DHFR2: variants seen among roughly 807,000 people sequenced by gnomAD.
DHFR2 encodes the protein dihydrofolate reductase 2.
A neutral mutation model predicts 12.0 loss-of-function variants in DHFR2; 11 were observed. That is an observed-to-expected ratio of 0.92 (90% CI 0.58 to 1.52). DHFR2 has a LOEUF of 1.52. DHFR2 is among the 40% of genes most tolerant of loss of function. The pLI is 0.00. For synonymous variants in DHFR2, 87 were observed against 79.6 expected (o/e 1.09, Z -0.49); for missense variants, 188 against 221.2 (o/e 0.85, Z 0.95).
rs1335811427 is a variant in DHFR2 at position 94,061,101 on chromosome 3, T to G, written c.411A>C (p.Thr137=). The part of the protein sequence containing the change: ...NHLGHLKLFV[T]RIMQDFESDT... ...CACTTTCAAAGTCCTGCATGATCCT[T>G]GTCACAAATAGTTTAAGATGGCCTA... Residue 137 remains threonine, a synonymous_variant, in exon 2 of 2, where the codon ACA becomes ACC. Transcript: ENST00000314636. The G allele has an allele frequency of 6.2e-7, 1 of 1,613,964 alleles. No homozygotes were observed. Among genetic ancestry groups the G allele is most frequent in the East Asian group, 2.2e-5 (1 of 44,876 alleles).
chr3:94,061,566 A>G lies in DHFR2; in HGVS notation c.-55T>C. On this transcript the variant is annotated 5_prime_UTR_variant, in exon 2 of 2. Transcript: ENST00000314636. The stretch of plus-strand genomic sequence containing the variant: ...CTGGCTACGCCAGGAAGCCAGGCCA[A>G]GAATGCCGCGAAATTCCCTTCTTCA... 6.2e-7 allele frequency: 1 copy of G among 1,604,640 alleles called. No individual in the cohort carries two copies. The highest frequency in any genetic ancestry group is 1.1e-5 in the South Asian group (1 of 90,248).
Position 94,061,636 on chromosome 3 carries a change from A to C in DHFR2, c.-95-30T>G, listed in dbSNP as rs2077175929. The C allele has an allele frequency of 1.8e-5, 25 of 1,422,516 alleles. No individual in the cohort carries two copies. In the South Asian group the frequency reaches 3.9e-4, roughly 22 times the overall value. The allele number at this position is 1,422,516 out of a possible 1,614,324, so 88.1% of individuals were successfully genotyped here. The stretch of plus-strand genomic sequence containing the variant: ...ATTGCAAATACAATACCACTGTATT[A>C]ATTAATTGCAACATTCTGGAATGAA... On this transcript the variant is annotated intron_variant, in intron 1 of 1. Transcript: ENST00000314636.
At position 94,060,869 on chromosome 3, in the gene DHFR2, A is replaced by G; in HGVS notation, c.*79T>C. On this transcript the variant is annotated 3_prime_UTR_variant, in exon 2 of 2. Transcript: ENST00000314636. ...ATTATCCATAGATCTGAAGTCAACA[A>G]AAGTCCCTTTTCTAATGTAAAAATG... is the stretch of plus-strand genomic sequence containing the variant. 1 of 1,488,058 alleles carries G rather than the reference A, an allele frequency of 6.7e-7. No individual in the cohort carries two copies. The highest frequency in any genetic ancestry group is 9.1e-7 in the Non-Finnish European group (1 of 1,097,880). 92.2% of individuals were successfully genotyped at this position (1,488,058 alleles called of 1,614,324 possible). A position where few individuals can be genotyped will look rare whatever the true frequency, so the allele number is the denominator to read the frequency against.
In DHFR2 at chr3:94,058,754, G is replaced by A. The variant is rs1343192730; in HGVS notation, c.*2194C>T. ...TTTGTTTTTTTTTTTTTTTACTTTT[G>A]CTTTATCTTCAATGCACTTCTTTCC... is the stretch of plus-strand genomic sequence containing the variant. On this transcript the variant is annotated 3_prime_UTR_variant, in exon 2 of 2. Transcript: ENST00000314636. The A allele has an allele frequency of 9.7e-6, 1 of 103,514 alleles. No individual in the cohort carries two copies. Among genetic ancestry groups the A allele is most frequent in the Non-Finnish European group, 2.0e-5 (1 of 50,312 alleles). The allele number at this position is 103,514 out of a possible 1,614,324, so 6.4% of individuals were successfully genotyped here.
chr3:94,059,946 C>T lies in DHFR2; in HGVS notation c.*1002G>A, dbSNP rs1364031944. 6.6e-6 allele frequency: 1 copy of T among 152,086 alleles called. No individual in the cohort carries two copies. Among genetic ancestry groups the T allele is most frequent in the African/African-American group, 2.4e-5 (1 of 41,370 alleles). 9.4% of individuals were successfully genotyped at this position (152,086 alleles called of 1,614,324 possible). On this transcript the variant is annotated 3_prime_UTR_variant, in exon 2 of 2. Coordinates refer to ENST00000314636, the MANE Select transcript of DHFR2 (RefSeq NM_176815.5). ...TGGCACGCGCCTGTAGTCCCAGCCA[C>T]CCAGGAGCCTGAGGCAGGAGAATTG...
rs371038397 is a variant in DHFR2 at position 94,061,079 on chromosome 3, T to TGAA, written c.432_433insTTC (p.Glu144_Ser145insPhe). 9 of 1,613,864 alleles carry TGAA rather than the reference T, an allele frequency of 5.6e-6. No homozygotes were observed. The African/African-American group carries it at 1.2e-4, about 22-fold the overall frequency. On this transcript the variant is annotated inframe_insertion, in exon 2 of 2. Coordinates refer to ENST00000314636, the MANE Select transcript of DHFR2 (RefSeq NM_176815.5). ...TCAATTTCTGAAAAAAACGTGTCAC[T>TGAA]TTCAAAGTCCTGCATGATCCTTGTC...
chr3:94,060,967 A>G lies in DHFR2; in HGVS notation c.545T>C (p.Val182Ala). The G allele has an allele frequency of 6.2e-7, 1 of 1,613,616 alleles. No homozygotes were observed. Among genetic ancestry groups the G allele is most frequent in the Non-Finnish European group, 8.5e-7 (1 of 1,179,656 alleles). The part of the protein sequence containing the change: ...EGKHIKYKFE[V>A]CEKDD ...TTCATATTAATCATCCTTCTCACATACTTCAAATTTGTACTTGATGTGTTT... is the reference window on the plus strand; with the variant it reads ...TTCATATTAATCATCCTTCTCACATGCTTCAAATTTGTACTTGATGTGTTT... The change falls in exon 2 of 2, where the codon GTA (valine) becomes GCA (alanine). Residue 182 changes from valine to alanine, a missense_variant. Transcript: ENST00000314636.
intron 1 of DHFR2, 53 bp from the exon 2 acceptor site, chr3:94,061,659 G>A (rs1217194599): frequency 8.6e-7 from 1 of 1,163,052 alleles, no homozygotes; most frequent in African/African-American, 1.6e-5. Context: ...ATTCTGGAAT[G>A]AACATAGAAA....
intron 1 of DHFR2, 41 bp from the exon 2 acceptor site, chr3:94,061,647 A>G (rs1249564935): frequency 7.5e-7 from 1 of 1,326,616 alleles, no homozygotes; most frequent in African/African-American, 1.5e-5. Context: ...ATTAATTGCA[A>G]CATTCTGGAA....
upstream of DHFR2, chr3:94,063,081 A>G (rs967753612): frequency 2.5e-6 from 4 of 1,613,212 alleles, no homozygotes. Context: ...AGGCTTTTTG[A>G]TACTGATTCG....
At chr3:94,061,917 A>G (rs182881071) in intron 1 of DHFR2, among the ~76,000 whole-genome samples, 37 of 152,202 alleles carry the variant, frequency 2.4e-4, no homozygotes, top group African/African-American at 8.4e-4. Flanking sequence ...AAATAAATAT[A>G]TTAAGCTTCA....
chr3:94,061,659 G>T, intron 1 of DHFR2, 53 bp from the exon 2 acceptor site: 1 of 1,163,146 alleles, frequency 8.6e-7, no homozygotes, highest in Non-Finnish European at 1.1e-6. Flanking sequence ...ATTCTGGAAT[G>T]AACATAGAAA....
At position 94,059,836 on chromosome 3, in the gene DHFR2, G is replaced by A. The variant is rs2077162737; in HGVS notation, c.*1112C>T. On this transcript the variant is annotated 3_prime_UTR_variant, in exon 2 of 2. Transcript: ENST00000314636. ...CCAGCACCCCTGAAGGCCGAGGCAG[G>A]AGGATCACCTGAGGTCAGGAGTTCG... 6.6e-6 allele frequency: 1 copy of A among 152,248 alleles called. No individual in the cohort carries two copies. 9.4% of individuals were successfully genotyped at this position (152,248 alleles called of 1,614,324 possible).
chr3:94,061,411 T>C lies in DHFR2; in HGVS notation c.101A>G (p.Tyr34Cys), dbSNP rs1374280063. The change falls in exon 2 of 2, where the codon TAT becomes TGT. Residue 34 changes from tyrosine (Y) to cysteine (C), a missense_variant. Physicochemically the swap from Tyr to Cys is radical, Grantham distance 194. Coordinates refer to ENST00000314636, the MANE Select transcript of DHFR2 (RefSeq NM_176815.5). ...PRPPLRNEFR[Y>C]FQRMTTTSSV... ...AGAAGTTGTGGTCATTCTCTGGAAA[T>C]ACCTGAATTCATTCCTGAGCGGCGG... 8.7e-6 allele frequency: 14 copies of C among 1,614,084 alleles called. No individual in the cohort carries two copies. The highest frequency in any genetic ancestry group is 1.3e-5 in the African/African-American group (1 of 74,922).
Position 94,061,057 on chromosome 3 carries a change from A to G in DHFR2, c.455T>C (p.Ile152Thr). Residue 152 changes from isoleucine to threonine, a missense_variant, in exon 2 of 2, where the codon ATT becomes ACT. Physicochemically the swap from Ile to Thr is moderately conservative, Grantham distance 89 (BLOSUM62 -1). Coordinates refer to ENST00000314636, the MANE Select transcript of DHFR2 (RefSeq NM_176815.5). ...CAGAAGTTTATATTTCTCCAAGTCA[A>G]TTTCTGAAAAAAACGTGTCACTTTC... ...DFESDTFFSE[I>T]DLEKYKLLPE... The G allele has an allele frequency of 6.2e-7, 1 of 1,613,894 alleles. No individual in the cohort carries two copies. Among genetic ancestry groups the G allele is most frequent in the Non-Finnish European group, 8.5e-7 (1 of 1,179,850 alleles).
rs1252748358 is a variant in DHFR2, at chr3:94,058,227, TTC to T, written c.*2719_*2720del. Reference sequence around the variant, plus strand: ...TCTTTCCAGAGGAAAGCACTTTTCATTCTCTTAGTTTTTCCTTCTGGTAGTTA... The same window carrying T: ...TCTTTCCAGAGGAAAGCACTTTTCATTCTTAGTTTTTCCTTCTGGTAGTTA... On this transcript the variant is annotated 3_prime_UTR_variant, in exon 2 of 2. Coordinates refer to ENST00000314636, the MANE Select transcript of DHFR2 (RefSeq NM_176815.5). The T allele has an allele frequency of 6.6e-6, 1 of 152,186 alleles. No homozygotes were observed. Among genetic ancestry groups the T allele is most frequent in the Non-Finnish European group, 1.5e-5 (1 of 68,024 alleles). 9.4% of individuals were successfully genotyped at this position (152,186 alleles called of 1,614,324 possible). A position where few individuals can be genotyped will look rare whatever the true frequency, so the allele number is the denominator to read the frequency against.
chr3:94,063,163 A>G (rs200084381), upstream of DHFR2: 3 of 1,613,430 alleles, frequency 1.9e-6, no homozygotes, highest in African/African-American at 1.3e-5. Context: ...CCGGCTGGGT[A>G]CCTCTATCTG....
At position 94,060,648 on chromosome 3, in the gene DHFR2, C is replaced by A; in HGVS notation, c.*300G>T. 1 of 394,398 alleles carries A rather than the reference C, an allele frequency of 2.5e-6. No individual in the cohort carries two copies. Among genetic ancestry groups the A allele is most frequent in the South Asian group, 3.4e-5 (1 of 29,302 alleles). 24.4% of individuals were successfully genotyped at this position (394,398 alleles called of 1,614,324 possible). On this transcript the variant is annotated 3_prime_UTR_variant, in exon 2 of 2. Coordinates refer to ENST00000314636, the MANE Select transcript of DHFR2 (RefSeq NM_176815.5). ...CATCTTCATCTTTAATAAATACTAC[C>A]AACATTAGAAAAGCCTGACAATGTC...
chr3:94,061,487 C>T lies in DHFR2; in HGVS notation c.25G>A (p.Val9Ile), dbSNP rs751978180. The T allele has an allele frequency of 6.2e-7, 1 of 1,614,022 alleles. No individual in the cohort carries two copies. Among genetic ancestry groups the T allele is most frequent in the Non-Finnish European group, 8.5e-7 (1 of 1,180,046 alleles). The change falls in exon 2 of 2, where the codon GTC becomes ATC. Residue 9 changes from valine to isoleucine, a missense_variant. Coordinates refer to ENST00000314636, the MANE Select transcript of DHFR2 (RefSeq NM_176815.5). ...ATGCCCATGTTTTGGGACACAGCGA[C>T]GATGCAGTTTAGCAAAAGAAACATG... MFLLLNCI[V>I]AVSQNMGIGK...
Sources: gnomAD v4.1 joint callset for allele counts (sites outside exome capture counted in the v4.1 genomes callset) on GRCh38, gnomAD v4.1.1 for gene constraint, MANE v1.5 for transcripts, NCBI Gene and HGNC (gene_info 2026-07-23, HGNC 2026-07-21) for gene names.